SAMD5: variants seen among roughly 807,000 people sequenced by gnomAD.
The protein encoded by SAMD5 is sterile alpha motif domain containing 5, also known as sterile alpha motif domain-containing protein 5.
A neutral mutation model predicts 11.3 loss-of-function variants in SAMD5; 13 were observed. The ratio of observed to expected loss-of-function variants is 1.15; its 90% confidence interval spans 0.75 to 1.83. The LOEUF (loss-of-function observed/expected upper bound fraction) is 1.83. Among genes scored for constraint, SAMD5 ranks in the 40% most tolerant of loss-of-function variants. The pLI is 0.00. For synonymous variants in SAMD5, 129 were observed against 111.3 expected (o/e 1.16, Z -1.00); for missense variants, 255 against 239.1 (o/e 1.07, Z -0.44).
At chr6:147,909,455 T>A in the SAMD5 span, among the ~76,000 whole-genome samples, 1 of 152,172 alleles carries the variant, frequency 6.6e-6, no homozygotes, top group African/African-American at 2.4e-5. Context: ...TGTCTCCACT[T>A]GACACAGGAG....
At chr6:147,524,279 C>T (rs549660861) in intron 1 of SAMD5, among the ~76,000 whole-genome samples, 2 of 152,236 alleles carry the variant, frequency 1.3e-5, no homozygotes, top group East Asian at 3.9e-4. Context: ...ACCCACTTGA[C>T]CTGCTCTCCG....
intron 1 of SAMD5, among the ~76,000 whole-genome samples, chr6:147,583,054 T>A (rs1376106162): frequency 6.6e-6 from 1 of 152,190 alleles, no homozygotes; most frequent in African/African-American, 2.4e-5. Context: ...ATTAAAAGAC[T>A]TAAAGATTTC....
chr6:147,644,904 T>TA (rs1436361634), intron 1 of SAMD5, among the ~76,000 whole-genome samples: 1 of 152,198 alleles, frequency 6.6e-6, no homozygotes, highest in Non-Finnish European at 1.5e-5. Context: ...GTGTCAGAAT[T>TA]AGAGTTCACT....
the SAMD5 span, among the ~76,000 whole-genome samples, chr6:147,891,314 C>T: frequency 6.6e-6 from 1 of 151,866 alleles, no homozygotes; most frequent in Non-Finnish European, 1.5e-5. Context: ...GGGGAAAACT[C>T]ATGCCAAAAT....
intron 1 of SAMD5, among the ~76,000 whole-genome samples, chr6:147,695,499 TA>T (rs1791162773): frequency 6.6e-6 from 1 of 152,220 alleles, no homozygotes; most frequent in Non-Finnish European, 1.5e-5. Context: ...ATTAAATAAC[TA>T]AATGATCTTA....
At chr6:147,793,736 A>G in the SAMD5 span, among the ~76,000 whole-genome samples, 1 of 152,106 alleles carries the variant, frequency 6.6e-6, no homozygotes, top group Non-Finnish European at 1.5e-5. Context: ...AAAGTTGACT[A>G]TATTTCTGTG....
At chr6:147,674,905 A>G (rs1223458140) in intron 1 of SAMD5, among the ~76,000 whole-genome samples, 1 of 152,186 alleles carries the variant, frequency 6.6e-6, no homozygotes, top group Non-Finnish European at 1.5e-5. Flanking sequence ...CTGATTCACA[A>G]ACTAAGGTAT....
the SAMD5 span, among the ~76,000 whole-genome samples, chr6:147,863,742 G>A: frequency 2.0e-5 from 3 of 149,100 alleles, no homozygotes; most frequent in African/African-American, 4.9e-5. Context: ...TCCCCCACCA[G>A]TCTTTAGGTT....
rs2128458531 is a variant in SAMD5, at chr6:147,711,720, T to G, written c.163-25597T>G. 3.9e-5 allele frequency among the ~76,000 whole-genome samples: 6 copies of G among 152,340 alleles called. No individual in the cohort carries two copies. In the South Asian group the frequency reaches 1.2e-3, roughly 32 times the overall value. On this transcript the variant is annotated intron_variant, in intron 1 of 1. Coordinates refer to the SAMD5 transcript ENST00000566741. This position sits in a 1 kb window ranked among gnomAD's most constrained non-coding sequence, Gnocchi z 4.1. Reference sequence around the variant, plus strand: ...TTGTAATGAATTTCAGCTGAAGTATTAAGTTTGTGGTATCCAGAAACCGGG... The same window carrying G: ...TTGTAATGAATTTCAGCTGAAGTATGAAGTTTGTGGTATCCAGAAACCGGG...
chr6:147,598,528 G>A (rs1190426150), intron 1 of SAMD5, among the ~76,000 whole-genome samples: 7 of 152,158 alleles, frequency 4.6e-5, no homozygotes, highest in Admixed American at 1.3e-4. Flanking sequence ...AAAGCCCTGG[G>A]TTCGAGGCAT....
chr6:147,841,233 A>G, the SAMD5 span, among the ~76,000 whole-genome samples: 15 of 152,186 alleles, frequency 9.9e-5, no homozygotes, highest in Admixed American at 9.8e-4. Flanking sequence ...GTCTGAAGCA[A>G]AAACTATTAA....
the SAMD5 span, among the ~76,000 whole-genome samples, chr6:147,765,624 A>C: frequency 6.6e-6 from 1 of 152,230 alleles, no homozygotes; most frequent in Non-Finnish European, 1.5e-5. Flanking sequence ...CCTGCAGAGG[A>C]CATTATCACC....
At chr6:147,879,216 C>T in the SAMD5 span, among the ~76,000 whole-genome samples, 1 of 152,228 alleles carries the variant, frequency 6.6e-6, no homozygotes, top group East Asian at 1.9e-4. Flanking sequence ...GCTGAAGAAG[C>T]TGCGATTTCA....
intron 1 of SAMD5, among the ~76,000 whole-genome samples, chr6:147,732,027 C>A (rs935163343): frequency 6.6e-6 from 1 of 151,944 alleles, no homozygotes; most frequent in Non-Finnish European, 1.5e-5. Context: ...GATTTGTGGA[C>A]TAATGGGAGT....
chr6:147,787,736 T>C, the SAMD5 span, among the ~76,000 whole-genome samples: 1 of 152,214 alleles, frequency 6.6e-6, no homozygotes, highest in South Asian at 2.1e-4. Flanking sequence ...AATTTTCTTT[T>C]CCCTGCTTGG....
chr6:147,690,190 A>G (rs745796786), intron 1 of SAMD5, among the ~76,000 whole-genome samples: 8 of 152,204 alleles, frequency 5.3e-5, no homozygotes, highest in Non-Finnish European at 8.8e-5. Flanking sequence ...TTTAAATCTA[A>G]ATTATAATTC....
intron 1 of SAMD5, among the ~76,000 whole-genome samples, chr6:147,735,044 C>T (rs959607979): frequency 6.6e-6 from 1 of 152,124 alleles, no homozygotes; most frequent in African/African-American, 2.4e-5. Flanking sequence ...ATATGAAAAG[C>T]ATTTATTGAT....
intron 1 of SAMD5, among the ~76,000 whole-genome samples, chr6:147,537,680 C>T (rs1788532274): frequency 2.0e-5 from 3 of 151,702 alleles, no homozygotes; most frequent in South Asian, 4.2e-4. Flanking sequence ...CGGGTGAACC[C>T]GGGAGGCGGA....
intron 1 of SAMD5, chr6:147,729,706 G>A (rs1275040490): frequency 6.6e-6 from 3 of 451,692 alleles, no homozygotes; most frequent in Non-Finnish European, 4.5e-6. Flanking sequence ...TAAAGGAAGT[G>A]AAATTATGAA....
Sources: allele counts gnomAD v4.1 joint callset (sites outside exome capture counted in the v4.1 genomes callset), GRCh38; gene constraint gnomAD v4.1.1; non-coding constraint Gnocchi (gnomAD v3.1); transcripts MANE v1.5; gene names NCBI Gene and HGNC (gene_info 2026-07-23, HGNC 2026-07-21).